The following SEZ6 variants were observed in gnomAD, a reference collection of about 807,000 sequenced individuals.
SEZ6 encodes seizure protein 6 homolog.
In SEZ6, 53 loss-of-function variants were observed where a neutral mutation model predicts 101.0. The ratio of observed to expected loss-of-function variants is 0.52; its 90% confidence interval spans 0.42 to 0.66. The LOEUF (loss-of-function observed/expected upper bound fraction) is 0.66. Among genes scored for constraint, SEZ6 ranks in the 30% least tolerant of loss-of-function variants. The pLI, the probability that SEZ6 is intolerant of heterozygous loss-of-function variation, is 0.00. For synonymous variants in SEZ6, 488 were observed against 512.2 expected (o/e 0.95, Z 0.64); for missense variants, 1,102 against 1,289.4 (o/e 0.85, Z 2.23).
rs754650737 is a variant in SEZ6, at chr17:28,956,223, CG to C, written c.2887del (p.Arg963AlafsTer10). On this transcript the variant is annotated frameshift_variant, in exon 16 of 17. Coordinates refer to ENST00000317338, the MANE Select transcript of SEZ6 (RefSeq NM_178860.5). LOFTEE classifies it high-confidence loss of function. ...GGTAATGCGGTTGTAGGGGCGGGGG[CG>C]GGGGCGGGGCAGCTGCAGGGAGCTT... ...GKSSLQLPRPRPRPYNRITIE... is the reference protein window; with the variant it reads ...GKSSLQLPRPXPRPYNRITIE... The C allele has an allele frequency of 1.7e-4, 201 of 1,180,184 alleles. No homozygotes were observed. Among genetic ancestry groups the C allele is most frequent in the Non-Finnish European group, 1.9e-4 (183 of 957,648 alleles). The allele number at this position is 1,180,184 out of a possible 1,614,324, so 73.1% of individuals were successfully genotyped here. A position where few individuals can be genotyped will look rare whatever the true frequency, so the allele number is the denominator to read the frequency against.
rs1598178112 is a variant in SEZ6 at position 28,958,890 on chromosome 17, C to A, written c.2107+135G>T. ...CAGGGCAGATGGAGAACAGGACTAGCTTCCTCCAGGTGATCCCTGGTGCTT... is the reference window on the plus strand; with the variant it reads ...CAGGGCAGATGGAGAACAGGACTAGATTCCTCCAGGTGATCCCTGGTGCTT... On this transcript the variant is annotated intron_variant, in intron 10 of 16. Coordinates refer to ENST00000317338, the MANE Select transcript of SEZ6 (RefSeq NM_178860.5). 3 of 1,006,554 alleles carry A rather than the reference C, an allele frequency of 3.0e-6. No homozygotes were observed. In the East Asian group the frequency reaches 7.9e-5, roughly 27 times the overall value. The allele number at this position is 1,006,554 out of a possible 1,614,324, so 62.4% of individuals were successfully genotyped here. A position where few individuals can be genotyped will look rare whatever the true frequency, so the allele number is the denominator to read the frequency against.
chr17:28,987,326 C>T (rs2041398185), intron 1 of SEZ6, among the ~76,000 whole-genome samples: 1 of 152,158 alleles, frequency 6.6e-6, no homozygotes, highest in African/African-American at 2.4e-5. Context: ...GAGCCAGAGT[C>T]CCTCCTTACA....
In SEZ6 at chr17:29,005,547, G is replaced by A. The variant is rs181833442; in HGVS notation, c.55+268C>T. 1.4e-4 allele frequency among the ~76,000 whole-genome samples: 22 copies of A among 152,288 alleles called. No homozygotes were observed. The East Asian group carries it at 4.3e-3, about 30-fold the overall frequency. On this transcript the variant is annotated intron_variant, in intron 1 of 16. Coordinates refer to ENST00000317338, the MANE Select transcript of SEZ6 (RefSeq NM_178860.5). This position sits in a 1 kb window ranked among gnomAD's most constrained non-coding sequence, Gnocchi z 4.8. The stretch of plus-strand genomic sequence containing the variant: ...GTGTGCGGGGAGTGGGTGGCGTGAT[G>A]AATTGCATCAGAGAAATCCCATTAG...
intron 1 of SEZ6, among the ~76,000 whole-genome samples, chr17:28,992,368 G>A (rs2041473763): frequency 6.6e-6 from 1 of 152,124 alleles, no homozygotes; most frequent in African/African-American, 2.4e-5. Flanking sequence ...ACGTGCGTGT[G>A]TGTGTGGGCG....
rs1598221769 is a variant in SEZ6 at position 29,005,960 on chromosome 17, G to A, written c.-91C>T. On this transcript the variant is annotated 5_prime_UTR_variant, in exon 1 of 17. Transcript: ENST00000317338. This position sits in a 1 kb window ranked among gnomAD's most constrained non-coding sequence, Gnocchi z 4.8. Reference sequence around the variant, plus strand: ...TGGGCGCGGGGGCAGAGCCGGGTCCGGCCGGGTAGAGGGAGCGGGGCCGCA... The same window carrying A: ...TGGGCGCGGGGGCAGAGCCGGGTCCAGCCGGGTAGAGGGAGCGGGGCCGCA... 4 of 1,180,234 alleles carry A rather than the reference G, an allele frequency of 3.4e-6. No homozygotes were observed. Among genetic ancestry groups the A allele is most frequent in the Non-Finnish European group, 2.2e-6 (2 of 925,060 alleles). The allele number at this position is 1,180,234 out of a possible 1,614,324, so 73.1% of individuals were successfully genotyped here.
intron 7 of SEZ6, 120 bp from the exon 8 acceptor site, chr17:28,960,012 G>A: frequency 1.8e-6 from 2 of 1,107,710 alleles, no homozygotes; most frequent in South Asian, 1.6e-5. Flanking sequence ...ACAAATATAT[G>A]TCCTGGGGTT....
At chr17:28,964,172 TG>T in intron 4 of SEZ6, 25 bp from the exon 5 acceptor site, 1 of 1,548,438 alleles carries the variant, frequency 6.5e-7, no homozygotes, top group Non-Finnish European at 8.7e-7. Context: ...CGGGTGACAC[TG>T]TGTATGTGTG....
At chr17:28,994,400 C>T (rs571991832) in intron 1 of SEZ6, among the ~76,000 whole-genome samples, 23 of 152,250 alleles carry the variant, frequency 1.5e-4, no homozygotes, top group Non-Finnish European at 3.1e-4. Flanking sequence ...CTCAGCCTCC[C>T]GAGTAGGTGG....
chr17:28,989,152 G>A (rs1408069122), intron 1 of SEZ6, among the ~76,000 whole-genome samples: 3 of 152,150 alleles, frequency 2.0e-5, no homozygotes, highest in Non-Finnish European at 4.4e-5. Context: ...AGGTCCCTCA[G>A]CACAAATCAC....
At chr17:28,984,692 T>C (rs1283670041) in intron 1 of SEZ6, among the ~76,000 whole-genome samples, 3 of 152,194 alleles carry the variant, frequency 2.0e-5, no homozygotes, top group Admixed American at 6.5e-5. Context: ...CCCACTGTCA[T>C]AGAGGGTAAG....
At chr17:28,956,620 T>G (rs2040882617) in intron 14 of SEZ6, 99 bp downstream of exon 14, 1 of 1,526,686 alleles carries the variant, frequency 6.6e-7, no homozygotes, top group South Asian at 1.2e-5. Flanking sequence ...CAAACCTCTC[T>G]CTTTCTCTGC....
rs1355631587 is a variant in SEZ6, at chr17:28,960,579, G to A, written c.1502C>T (p.Ser501Phe). 1 of 1,592,814 alleles carries A rather than the reference G, an allele frequency of 6.3e-7. No individual in the cohort carries two copies. Among genetic ancestry groups the A allele is most frequent in the South Asian group, 1.1e-5 (1 of 87,632 alleles). Residue 501 changes from serine (S) to phenylalanine (F), a missense_variant, in exon 7 of 17, where the codon TCT becomes TTT. By Grantham distance (155) the Ser-to-Phe change is radical (BLOSUM62 -2). Coordinates refer to ENST00000317338, the MANE Select transcript of SEZ6 (RefSeq NM_178860.5). ...EYLPIEGLLS[S>F]GKHFFVELST... is the part of the protein sequence containing the mutation. ...GAGCTCAACAAAGAAGTGTTTGCCA[G>A]AGCTGAGCAGGCCCTCAATGGGCAG...
intron 1 of SEZ6, among the ~76,000 whole-genome samples, chr17:28,998,811 C>T (rs555383478): frequency 3.9e-5 from 6 of 152,278 alleles, no homozygotes; most frequent in African/African-American, 1.4e-4. Flanking sequence ...TCGTCACAGA[C>T]CCAGAGGCAA....
At chr17:29,003,894 T>C (rs2041649601) in intron 1 of SEZ6, among the ~76,000 whole-genome samples, 1 of 152,172 alleles carries the variant, frequency 6.6e-6, no homozygotes, top group South Asian at 2.1e-4. Flanking sequence ...GAAGGGACAC[T>C]GCCCAGGGAC....
At position 28,958,454 on chromosome 17, in the gene SEZ6, G is replaced by C. The variant is rs970576540; in HGVS notation, c.2108-313C>G. Among the ~76,000 whole-genome samples, 48 of 152,212 alleles carry C rather than the reference G, an allele frequency of 3.2e-4. 1 individual carries two copies. Among genetic ancestry groups the C allele is most frequent in the Non-Finnish European group, 1.0e-4 (7 of 68,030 alleles). On this transcript the variant is annotated intron_variant, in intron 10 of 16. Transcript: ENST00000317338. The stretch of plus-strand genomic sequence containing the variant: ...CACTTCTATGAAAGATTGTCAGAAA[G>C]ATAGAAGCCAGCACCTTTCCTTAGT...
intron 10 of SEZ6, 99 bp from the exon 11 acceptor site, chr17:28,958,240 G>T: frequency 7.0e-7 from 1 of 1,419,100 alleles, no homozygotes; most frequent in Non-Finnish European, 9.5e-7. Flanking sequence ...GTTTGTCCTG[G>T]ACCTAGACTG....
chr17:28,968,153 C>T (rs973187874), intron 4 of SEZ6, among the ~76,000 whole-genome samples: 2 of 152,248 alleles, frequency 1.3e-5, no homozygotes, highest in Non-Finnish European at 2.9e-5. Context: ...CTGGCACCCT[C>T]TTTCTCTAGC....
rs2041027377 is a variant in SEZ6 at position 28,964,144 on chromosome 17, T to C, written c.1058A>G (p.Tyr353Cys). Residue 353 changes from tyrosine to cysteine, a missense_variant, in exon 5 of 17, where the codon TAT (tyrosine) becomes TGT (cysteine). Tyr to Cys is a radical substitution (Grantham distance 194). Coordinates refer to ENST00000317338, the MANE Select transcript of SEZ6 (RefSeq NM_178860.5). ...ACGGGGAAAGTGGCAGCTCAGGAGA[T>C]AGGCTGCAAACAGAGAACGGGTGAC... ...PGTFHFHYQAYLLSCHFPRRP... is the reference protein window; with the variant it reads ...PGTFHFHYQACLLSCHFPRRP... 6.3e-7 allele frequency: 1 copy of C among 1,582,658 alleles called. No homozygotes were observed. The highest frequency in any genetic ancestry group is 8.6e-7 in the Non-Finnish European group (1 of 1,164,806).
intron 1 of SEZ6, among the ~76,000 whole-genome samples, chr17:28,984,448 G>A (rs1005865970): frequency 3.4e-4 from 51 of 152,184 alleles, no homozygotes; most frequent in African/African-American, 1.2e-3. Context: ...GTAGGTACCT[G>A]TGTGACTCTT....
Sources: allele counts gnomAD v4.1 joint callset (sites outside exome capture counted in the v4.1 genomes callset), GRCh38; gene constraint gnomAD v4.1.1; non-coding constraint Gnocchi (gnomAD v3.1); transcripts MANE v1.5; gene names NCBI Gene and HGNC (gene_info 2026-07-23, HGNC 2026-07-21).